PCDHGA6: variants seen among roughly 807,000 people sequenced by gnomAD.
PCDHGA6 encodes protocadherin gamma-A6.
Under a neutral mutation model 60.6 loss-of-function variants are expected in PCDHGA6, and 41 were observed. That is an observed-to-expected ratio of 0.68 (90% CI 0.53 to 0.88). The LOEUF is 0.88. Ranked by LOEUF, PCDHGA6 falls within the 40% of genes least tolerant of loss-of-function variation. The pLI is 0.00. For missense variants in PCDHGA6, 1,312 were observed against 1,203.0 expected (o/e 1.09, Z -1.34); for synonymous variants, 594 against 524.4 (o/e 1.13, Z -1.81).
intron 1 of PCDHGA6, chr5:141,410,115 C>G (rs1361621262): frequency 6.2e-7 from 1 of 1,612,624 alleles, no homozygotes; most frequent in African/African-American, 1.3e-5. Flanking sequence ...AGGGACGCAG[C>G]CCGCCAGCGC....
intron 1 of PCDHGA6, among the ~76,000 whole-genome samples, chr5:141,381,826 C>CTTCTTTTTT (rs1777532522): frequency 2.2e-4 from 16 of 74,296 alleles, no homozygotes; most frequent in African/African-American, 9.3e-4. Context: ...CTTTCTTCTT[C>CTTCTTTTTT]TTTTTTTTTT....
At chr5:141,404,508 C>T (rs2154535422) in intron 1 of PCDHGA6, 2 of 1,613,964 alleles carry the variant, frequency 1.2e-6, no homozygotes, top group Non-Finnish European at 1.7e-6. Flanking sequence ...GCTCTGTGCT[C>T]CTTTGACTAT....
At chr5:141,422,399 T>C in intron 1 of PCDHGA6, 3 of 1,598,374 alleles carry the variant, frequency 1.9e-6, no homozygotes, top group Non-Finnish European at 2.6e-6. Context: ...CCTAACCACC[T>C]GCCTTTTAAA....
At chr5:141,421,489 G>T (rs754141447) in intron 1 of PCDHGA6, 9 of 1,614,094 alleles carry the variant, frequency 5.6e-6, no homozygotes, top group Non-Finnish European at 7.6e-6. Context: ...CTTGATCACG[G>T]CAGGCAGGAT....
chr5:141,496,306 C>T (rs1380057886), intron 2 of PCDHGA6, among the ~76,000 whole-genome samples: 1 of 152,202 alleles, frequency 6.6e-6, no homozygotes, highest in South Asian at 2.1e-4. Flanking sequence ...ATAGGCTCTG[C>T]GCCAGGCCTC....
intron 1 of PCDHGA6, among the ~76,000 whole-genome samples, chr5:141,387,169 T>C (rs1428422324): frequency 4.6e-5 from 7 of 152,140 alleles, no homozygotes; most frequent in East Asian, 1.9e-4. Flanking sequence ...TAAGTATAAA[T>C]TGCACCTTCT....
chr5:141,424,697 T>C (rs1467404367), intron 1 of PCDHGA6: 4 of 152,342 alleles, frequency 2.6e-5, no homozygotes, highest in South Asian at 4.1e-4. Context: ...GGCTATTTTT[T>C]TGTTCATTTT....
intron 1 of PCDHGA6, among the ~76,000 whole-genome samples, chr5:141,448,393 A>G (rs190525499): frequency 6.6e-6 from 1 of 152,306 alleles, no homozygotes; most frequent in Admixed American, 6.5e-5. Flanking sequence ...ATACATTTAC[A>G]TGGTTTTAAA....
intron 1 of PCDHGA6, among the ~76,000 whole-genome samples, chr5:141,460,304 A>T (rs769422296): frequency 2.6e-5 from 4 of 152,144 alleles, no homozygotes; most frequent in Admixed American, 6.5e-5. Flanking sequence ...TCCTATTCAA[A>T]AACTCCTTGC....
intron 3 of PCDHGA6, among the ~76,000 whole-genome samples, chr5:141,510,162 A>C (rs947806998): frequency 6.6e-6 from 1 of 151,838 alleles, no homozygotes; most frequent in Non-Finnish European, 1.5e-5. Flanking sequence ...AATCTCAGCT[A>C]CTCAGGAGGT....
chr5:141,471,790 C>T (rs1465283136), intron 1 of PCDHGA6, among the ~76,000 whole-genome samples: 1 of 152,068 alleles, frequency 6.6e-6, no homozygotes, highest in Non-Finnish European at 1.5e-5. Context: ...TATGCTATGT[C>T]ATATAAAAGA....
chr5:141,405,599 A>G, intron 1 of PCDHGA6: 2 of 575,638 alleles, frequency 3.5e-6, no homozygotes, highest in South Asian at 4.5e-5. Flanking sequence ...CCTCCCAAGT[A>G]GAATAACTGG....
At chr5:141,499,029 A>AAGGAAGGAAGGAAGG (rs1562187768) in intron 2 of PCDHGA6, among the ~76,000 whole-genome samples, 10 of 139,968 alleles carry the variant, frequency 7.1e-5, no homozygotes, top group African/African-American at 2.8e-4. Context: ...AGGAAGGAAG[A>AAGGAAGGAAGGAAGG]AAAGAAAGAA....
intron 1 of PCDHGA6, chr5:141,383,876 G>A (rs747987128): frequency 3.7e-6 from 6 of 1,613,860 alleles, no homozygotes; most frequent in African/African-American, 1.3e-5. Context: ...GATGGTCCTG[G>A]TAGTCTGACA....
rs371499368 is a variant in PCDHGA6 at position 141,414,269 on chromosome 5, C to T, written c.2424+37762C>T. The stretch of plus-strand genomic sequence containing the variant: ...TTTAGTCCAGTGACTGAAGATTCAC[C>T]TCTGGGAACAGTCGTAGCCCTTTTA... On this transcript the variant is annotated intron_variant, in intron 1 of 3. Coordinates refer to ENST00000517434, the MANE Select transcript of PCDHGA6 (RefSeq NM_018919.3). 8.1e-6 allele frequency: 13 copies of T among 1,613,266 alleles called. No homozygotes were observed. The African/African-American group carries it at 1.6e-4, about 20-fold the overall frequency.
intron 1 of PCDHGA6, chr5:141,418,421 G>A (rs776535087): frequency 2.5e-6 from 4 of 1,613,966 alleles, no homozygotes; most frequent in Non-Finnish European, 3.4e-6. Flanking sequence ...CAATCCTGAT[G>A]GTGGCAAATA....
rs2099402935 is a variant in PCDHGA6, at chr5:141,476,991, G to A, written c.2425-17816G>A. On this transcript the variant is annotated intron_variant, in intron 1 of 3. Transcript: ENST00000517434. The surrounding 1 kb of genome is among the most constrained non-coding windows in gnomAD (Gnocchi z 7.6). ...GGCAGCCACAACCGCGCCGGCGTGC[G>A]GCAACTATTCGCCTTAGACCTTGTA... 4 of 1,614,094 alleles carry A rather than the reference G, an allele frequency of 2.5e-6. No homozygotes were observed. Among genetic ancestry groups the A allele is most frequent in the Non-Finnish European group, 3.4e-6 (4 of 1,180,056 alleles).
chr5:141,403,853 A>G (rs765359583), intron 1 of PCDHGA6: 3 of 1,613,726 alleles, frequency 1.9e-6, no homozygotes, highest in Non-Finnish European at 2.5e-6. Context: ...TACTGGGGAA[A>G]TATCAACAGC....
At chr5:141,417,972 C>T (rs2154547391) in intron 1 of PCDHGA6, 2 of 1,613,830 alleles carry the variant, frequency 1.2e-6, no homozygotes, top group Admixed American at 1.7e-5. Flanking sequence ...TACTCGATTC[C>T]GGAGGAGCTG....
Sources: gnomAD v4.1 joint callset for allele counts (sites outside exome capture counted in the v4.1 genomes callset) on GRCh38, gnomAD v4.1.1 for gene constraint, Gnocchi (gnomAD v3.1) non-coding constraint, MANE v1.5 for transcripts, NCBI Gene and HGNC (gene_info 2026-07-23, HGNC 2026-07-21) for gene names.